The following ZNF44 variants were observed in gnomAD, a reference collection of about 807,000 sequenced individuals.
The protein encoded by ZNF44 is gonadotropin inducible transcription repressor-2.
In ZNF44, 9 loss-of-function variants were observed where a neutral mutation model predicts 11.7. The ratio of observed to expected loss-of-function variants is 0.77; its 90% CI spans 0.46 to 1.35. The LOEUF (loss-of-function observed/expected upper bound fraction) is 1.35, where lower values mean the gene tolerates loss of function less well. ZNF44 is among the 40% of genes most tolerant of loss of function. The pLI is 0.00. For missense variants in ZNF44, 696 were observed against 743.1 expected, an observed-to-expected ratio of 0.94 and a Z score of 0.74; for synonymous variants, 224 against 242.7, an observed-to-expected ratio of 0.92 and a Z score of 0.72.
rs149017077 is a variant in ZNF44 at position 12,233,194 on chromosome 19, A to G, written n.380+1473T>C. ...AGCCCTGAGAAACCCCCCTCCGGCC[A>G]GAAAGATGTCTGCCCCAAAATAACC... is the stretch of plus-strand genomic sequence containing the variant. On this transcript the variant is annotated intron_variant and non_coding_transcript_variant, in intron 2 of 3. Transcript: ENST00000597563. Among the ~76,000 whole-genome samples the G allele has an allele frequency of 2.0e-3, 302 of 152,200 alleles. 1 individual carries two copies. The highest frequency in any genetic ancestry group is 6.9e-3 in the African/African-American group (285 of 41,528).
At chr19:12,260,082 A>G in intron 5 of ZNF44, 1 of 580,144 alleles carries the variant, frequency 1.7e-6, no homozygotes, top group South Asian at 1.6e-5. Flanking sequence ...ACTTCACTAT[A>G]AATACACAGG....
At chr19:12,250,933 T>C in intron 5 of ZNF44, 1 of 401,326 alleles carries the variant, frequency 2.5e-6, no homozygotes. Flanking sequence ...AATATTTCTT[T>C]TGGAGAAGTT....
At chr19:12,274,906 T>C (rs1967146608) in intron 3 of ZNF44, 67 bp downstream of exon 3, 1 of 1,260,658 alleles carries the variant, frequency 7.9e-7, no homozygotes, top group South Asian at 1.5e-5. Context: ...TTGCTTCTTT[T>C]TAAAAGTTCT....
intron 5 of ZNF44, among the ~76,000 whole-genome samples, chr19:12,265,937 C>T (rs567657927): frequency 6.6e-6 from 1 of 152,336 alleles, no homozygotes; most frequent in Admixed American, 6.5e-5. Context: ...CACGTCGTTT[C>T]GCTAAAGTTG....
chr19:12,267,617 GAAACCT>G (rs1419151388), downstream of ZNF44, among the ~76,000 whole-genome samples: 3 of 152,098 alleles, frequency 2.0e-5, no homozygotes, highest in African/African-American at 7.2e-5. Flanking sequence ...ATGAGGCAGA[GAAACCT>G]AAGGATTTAA....
intron 1 of ZNF44, chr19:12,293,267 G>GCTGT: frequency 2.0e-6 from 3 of 1,536,906 alleles, no homozygotes; most frequent in Non-Finnish European, 2.6e-6. Flanking sequence ...AACACCTCAG[G>GCTGT]CTGTCCTCTG....
intron 5 of ZNF44, among the ~76,000 whole-genome samples, chr19:12,252,276 C>T (rs954920365): frequency 6.6e-6 from 1 of 151,974 alleles, no homozygotes; most frequent in African/African-American, 2.4e-5. Context: ...AGAAACCATA[C>T]GAGAAAGTAG....
chr19:12,277,435 TA>T (rs1252582221), intron 1 of ZNF44, among the ~76,000 whole-genome samples: 6 of 152,252 alleles, frequency 3.9e-5, no homozygotes, highest in Non-Finnish European at 5.9e-5. Flanking sequence ...TTATATTCCA[TA>T]AATCTCAACA....
At chr19:12,251,555 T>G (rs1403953009) in intron 5 of ZNF44, among the ~76,000 whole-genome samples, 11 of 152,298 alleles carry the variant, frequency 7.2e-5, no homozygotes, top group Middle Eastern at 3.4e-3. Context: ...ATTAAGTTAC[T>G]GGGAAGTTAG....
intron 5 of ZNF44, among the ~76,000 whole-genome samples, chr19:12,266,594 TGA>T (rs772044944): frequency 1.1e-4 from 16 of 152,242 alleles, no homozygotes; most frequent in Middle Eastern, 6.8e-3. Context: ...GGCAAGCGCC[TGA>T]GAGGGGCCAG....
At chr19:12,225,849 TTA>T (rs1232142952), downstream of ZNF44, among the ~76,000 whole-genome samples, 57 of 152,338 alleles carry the variant, frequency 3.7e-4, no homozygotes, top group African/African-American at 1.3e-3. Flanking sequence ...GGTTTCCTAT[TTA>T]TTTCCTCCGG....
rs1379158057 is a variant in ZNF44 at position 12,285,346 on chromosome 19, C to A, written c.4-9264G>T. Among the ~76,000 whole-genome samples the A allele has an allele frequency of 2.0e-5, 3 of 152,196 alleles. No individual in the cohort carries two copies. In the East Asian group the frequency reaches 5.8e-4, roughly 29 times the overall value. The stretch of plus-strand genomic sequence containing the variant: ...TCTCGGCTCACTGCAACCTCCACCT[C>A]CCGGGTCCAAGCAATTCTCCTGGCT... On this transcript the variant is annotated intron_variant, in intron 1 of 3. Transcript: ENST00000355684.
At chr19:12,293,232 C>T (rs561389992) in intron 1 of ZNF44, 2 of 1,536,400 alleles carry the variant, frequency 1.3e-6, no homozygotes. Context: ...GTGCATCCAC[C>T]TGATCCTTTG....
chr19:12,260,822 T>C (rs145874194), intron 5 of ZNF44, among the ~76,000 whole-genome samples: 252 of 152,226 alleles, frequency 1.7e-3, no homozygotes, highest in African/African-American at 5.7e-3. Flanking sequence ...GCACAAAGCA[T>C]GTGCTCCCAG....
intron 1 of ZNF44, among the ~76,000 whole-genome samples, chr19:12,290,604 GC>G (rs1967970691): frequency 6.6e-6 from 1 of 151,988 alleles, no homozygotes; most frequent in South Asian, 2.1e-4. Context: ...AGAGGCTGAG[GC>G]AGGAGAATCG....
chr19:12,287,277 G>A (rs775497372), intron 1 of ZNF44, among the ~76,000 whole-genome samples: 13 of 151,532 alleles, frequency 8.6e-5, no homozygotes, highest in African/African-American at 1.7e-4. Flanking sequence ...ACGGAATCTC[G>A]CTCTGTCACC....
At chr19:12,281,002 G>A (rs1432072665) in intron 1 of ZNF44, among the ~76,000 whole-genome samples, 1 of 152,098 alleles carries the variant, frequency 6.6e-6, no homozygotes, top group Non-Finnish European at 1.5e-5. Flanking sequence ...TTATAGTTGA[G>A]GGAAAACAAC....
rs189914877 is a variant in ZNF44, at chr19:12,290,302, T to C, written c.3+4390A>G. Among the ~76,000 whole-genome samples the C allele has an allele frequency of 2.2e-3, 338 of 150,906 alleles. 1 individual carries two copies. The highest frequency in any genetic ancestry group is 8.1e-3 in the African/African-American group (332 of 41,016). On this transcript the variant is annotated intron_variant, in intron 1 of 3. Coordinates refer to ENST00000355684, the MANE Select transcript of ZNF44 (RefSeq NM_016264.4). ...CAGGAGGCTGAGGCAGGAGAATCAC[T>C]TGAAACTGGGAGGCAGAGGTTGTGG... is the stretch of plus-strand genomic sequence containing the variant.
chr19:12,232,262 C>G (rs1025108102), intron 2 of ZNF44, among the ~76,000 whole-genome samples: 3 of 152,206 alleles, frequency 2.0e-5, no homozygotes, highest in African/African-American at 7.2e-5. Flanking sequence ...GGTTTTATAC[C>G]GAGACATTCC....
Sources: allele counts gnomAD v4.1 joint callset (sites outside exome capture counted in the v4.1 genomes callset), GRCh38; gene constraint gnomAD v4.1.1; transcripts MANE v1.5; gene names NCBI Gene and HGNC (gene_info 2026-07-23, HGNC 2026-07-21).